CPED1: variants seen among roughly 807,000 people sequenced by gnomAD.
CPED1 encodes the protein cadherin-like and PC-esterase domain-containing protein 1.
Under a neutral mutation model 128.2 loss-of-function variants are expected in CPED1, and 114 were observed. That is an observed-to-expected ratio of 0.89 (90% CI 0.76 to 1.04). CPED1 has a LOEUF of 1.04. CPED1 is among the 50% of genes least tolerant of loss of function. The pLI is 0.00. For missense variants in CPED1, 1,211 were observed against 1,207.1 expected (o/e 1.00, Z -0.05); for synonymous variants, 462 against 426.7 (o/e 1.08, Z -1.02).
intron 18 of CPED1, among the ~76,000 whole-genome samples, chr7:121,254,910 A>T (rs1269909291): frequency 3.9e-5 from 2 of 50,928 alleles, no homozygotes; most frequent in African/African-American, 8.4e-5. Flanking sequence ...ATCAGTAATT[A>T]AAAAAAAAAA....
At chr7:121,123,253 C>T (rs919984459) in intron 7 of CPED1, among the ~76,000 whole-genome samples, 1 of 151,974 alleles carries the variant, frequency 6.6e-6, no homozygotes, top group Non-Finnish European at 1.5e-5. Flanking sequence ...TTTATGAAGC[C>T]AGTATTTGTT....
chr7:120,990,857 C>T (rs974318846), intron 2 of CPED1, among the ~76,000 whole-genome samples: 7 of 152,174 alleles, frequency 4.6e-5, no homozygotes, highest in Admixed American at 3.9e-4. Flanking sequence ...AAAACCTCCA[C>T]GATTGACCAG....
chr7:121,253,065 A>T (rs930227355), intron 18 of CPED1, among the ~76,000 whole-genome samples: 24 of 152,096 alleles, frequency 1.6e-4, no homozygotes, highest in Non-Finnish European at 2.9e-4. Context: ...ACCAAGCCAA[A>T]TGTCCAACAA....
chr7:121,208,727 G>A (rs1393554223), intron 16 of CPED1, among the ~76,000 whole-genome samples: 1 of 151,978 alleles, frequency 6.6e-6, no homozygotes. Context: ...CTGGTTTCCA[G>A]TGTTCTGCAT....
At chr7:121,003,472 C>T (rs1443432363) in intron 2 of CPED1, among the ~76,000 whole-genome samples, 3 of 152,148 alleles carry the variant, frequency 2.0e-5, no homozygotes, top group African/African-American at 7.2e-5. Context: ...TGTATTATTC[C>T]TTCCTTTAGG....
Position 121,032,727 on chromosome 7 carries a change from G to GA in CPED1, c.434-14150dup, listed in dbSNP as rs1311871400. ...AACTTGAAGTAAAAGAGAAAAAAAGGAAAAAAAAAACAACACTTCTTAGAG... is the reference window on the plus strand; with the variant it reads ...AACTTGAAGTAAAAGAGAAAAAAAGGAAAAAAAAAAACAACACTTCTTAGAG... On this transcript the variant is annotated intron_variant, in intron 3 of 22. Coordinates refer to ENST00000310396, the MANE Select transcript of CPED1 (RefSeq NM_024913.5). 2.7e-3 allele frequency among the ~76,000 whole-genome samples: 401 copies of GA among 146,416 alleles called. 10 individuals are homozygous for GA. In the East Asian group the frequency reaches 0.044, roughly 16 times the overall value.
chr7:121,202,444 G>A (rs1443719567), intron 16 of CPED1, among the ~76,000 whole-genome samples: 1 of 152,128 alleles, frequency 6.6e-6, no homozygotes, highest in Non-Finnish European at 1.5e-5. Flanking sequence ...TTTAAGCCTG[G>A]GAGAGCCATG....
intron 18 of CPED1, among the ~76,000 whole-genome samples, chr7:121,265,940 C>G (rs798922): frequency 6.6e-6 from 1 of 151,586 alleles, no homozygotes; most frequent in Non-Finnish European, 1.5e-5. Context: ...GATGCTTAAA[C>G]GAGAAATAAA....
chr7:121,270,647 A>G (rs924008163), intron 21 of CPED1, among the ~76,000 whole-genome samples: 10 of 151,962 alleles, frequency 6.6e-5, no homozygotes, highest in African/African-American at 2.2e-4. Context: ...TCCTTTTCCC[A>G]TTGCTTATTT....
rs570464928 is a variant in CPED1 at position 121,271,565 on chromosome 7, C to T, written c.2868+135C>T. 173 of 842,058 alleles carry T rather than the reference C, an allele frequency of 2.1e-4. 1 individual carries two copies. In the South Asian group the frequency reaches 2.8e-3, roughly 14 times the overall value. The allele number at this position is 842,058 out of a possible 1,614,324, so 52.2% of individuals were successfully genotyped here. ...AGGTGGAGATTAAATGATATATGTT[C>T]ATCATCATTCAGCCAAGGCATGTAG... On this transcript the variant is annotated intron_variant, in intron 22 of 22. Coordinates refer to ENST00000310396, the MANE Select transcript of CPED1 (RefSeq NM_024913.5).
chr7:121,036,097 G>A (rs953275466), intron 3 of CPED1, among the ~76,000 whole-genome samples: 2 of 152,022 alleles, frequency 1.3e-5, no homozygotes, highest in Admixed American at 1.3e-4. Flanking sequence ...GTAAAGGAAA[G>A]GTAGGGATTT....
intron 16 of CPED1, among the ~76,000 whole-genome samples, chr7:121,167,337 G>T (rs759096393): frequency 1.3e-5 from 2 of 152,206 alleles, no homozygotes; most frequent in Non-Finnish European, 2.9e-5. Flanking sequence ...CTTGGCCCCT[G>T]TAGAAGTGAG....
At chr7:121,292,008 A>T (rs1288433892) in intron 22 of CPED1, among the ~76,000 whole-genome samples, 1 of 151,710 alleles carries the variant, frequency 6.6e-6, no homozygotes, top group Non-Finnish European at 1.5e-5. Flanking sequence ...CTTCTTGAAG[A>T]GTTTCTCTGT....
chr7:121,091,837 T>C (rs987875975), intron 5 of CPED1, among the ~76,000 whole-genome samples: 1 of 152,174 alleles, frequency 6.6e-6, no homozygotes, highest in African/African-American at 2.4e-5. Context: ...ATGTTATTTA[T>C]AATATTATTT....
At chr7:121,220,808 T>A (rs956586757) in intron 16 of CPED1, among the ~76,000 whole-genome samples, 2 of 152,038 alleles carry the variant, frequency 1.3e-5, no homozygotes, top group Admixed American at 1.3e-4. Flanking sequence ...CTGTTTAGAA[T>A]TTCTTGTGTA....
intron 16 of CPED1, among the ~76,000 whole-genome samples, chr7:121,209,147 T>C (rs543005114): frequency 6.6e-6 from 1 of 152,154 alleles, no homozygotes; most frequent in East Asian, 1.9e-4. Flanking sequence ...TCCATATAGC[T>C]CTGTGGTATT....
intron 17 of CPED1, among the ~76,000 whole-genome samples, chr7:121,238,802 G>A (rs1285609463): frequency 6.6e-6 from 1 of 151,100 alleles, no homozygotes; most frequent in Non-Finnish European, 1.5e-5. Context: ...AAGGGTGCAC[G>A]AGCAATATGT....
intron 3 of CPED1, among the ~76,000 whole-genome samples, chr7:121,042,609 G>A: frequency 6.6e-6 from 1 of 152,192 alleles, no homozygotes; most frequent in Admixed American, 6.5e-5. Flanking sequence ...ACTAGAGCTA[G>A]TTGTTTGTAT....
intron 16 of CPED1, among the ~76,000 whole-genome samples, chr7:121,186,169 A>G (rs1046590788): frequency 6.6e-6 from 1 of 152,190 alleles, no homozygotes; most frequent in Non-Finnish European, 1.5e-5. Context: ...ACTTTTGAGC[A>G]GATAGGGAGA....
Sources: allele counts gnomAD v4.1 joint callset (sites outside exome capture counted in the v4.1 genomes callset), GRCh38; gene constraint gnomAD v4.1.1; transcripts MANE v1.5; gene names NCBI Gene and HGNC (gene_info 2026-07-23, HGNC 2026-07-21).